RNFT2: variants seen among roughly 807,000 people sequenced by gnomAD.
The protein encoded by RNFT2 is ring finger protein, transmembrane 2, also known as E3 ubiquitin-protein ligase RNFT2.
In RNFT2, 36 loss-of-function variants were observed where a neutral mutation model predicts 53.0. The observed-to-expected ratio is 0.68, with a 90% CI of 0.52 to 0.90. The LOEUF (loss-of-function observed/expected upper bound fraction) is 0.90. Among genes scored for constraint, RNFT2 ranks in the 40% least tolerant of loss-of-function variants. The probability of loss-of-function intolerance (pLI) is 0.00; values close to 1 mark genes in which losing one functional copy is unlikely to be tolerated. For synonymous variants in RNFT2, 260 were observed against 253.2 expected (o/e 1.03, Z -0.26); for missense variants, 514 against 585.6 (o/e 0.88, Z 1.26).
At chr12:116,839,456 G>A (rs1242889216) in intron 10 of RNFT2, among the ~76,000 whole-genome samples, 1 of 149,922 alleles carries the variant, frequency 6.7e-6, no homozygotes, top group East Asian at 2.0e-4. Context: ...TGGATGGATG[G>A]ATGGATGAAT....
intron 5 of RNFT2, among the ~76,000 whole-genome samples, chr12:116,761,244 G>C (rs1319624711): frequency 6.6e-6 from 1 of 152,142 alleles, no homozygotes; most frequent in Non-Finnish European, 1.5e-5. Context: ...TGCCTCCCAG[G>C]TTCAAGCAAT....
intron 7 of RNFT2, among the ~76,000 whole-genome samples, chr12:116,801,829 TTTG>T (rs1874810736): frequency 6.6e-6 from 1 of 151,916 alleles, no homozygotes; most frequent in Non-Finnish European, 1.5e-5. Flanking sequence ...TGTTTGTTTG[TTTG>T]TTTTTTTGAG....
chr12:116,759,300 G>A (rs1252181561), intron 5 of RNFT2, among the ~76,000 whole-genome samples: 1 of 152,144 alleles, frequency 6.6e-6, no homozygotes, highest in Non-Finnish European at 1.5e-5. Context: ...ACTGGGCTTT[G>A]CCTTTCTCTG....
intron 5 of RNFT2, 123 bp downstream of exon 5, chr12:116,754,183 A>G: frequency 1.4e-6 from 1 of 735,154 alleles, no homozygotes; most frequent in Non-Finnish European, 2.4e-6. Context: ...GCGTCCTCAT[A>G]GCTTAACTCC....
At chr12:116,789,635 G>GTGGATGGA (rs148322297) in intron 7 of RNFT2, among the ~76,000 whole-genome samples, 2,119 of 132,046 alleles carry the variant, frequency 0.016, 98 homozygotes, top group African/African-American at 0.064. Flanking sequence ...TGGGAGGAGA[G>GTGGATGGA]TGGATGGATG....
intron 7 of RNFT2, among the ~76,000 whole-genome samples, chr12:116,783,897 T>A (rs920407399): frequency 1.3e-5 from 2 of 152,242 alleles, no homozygotes; most frequent in Non-Finnish European, 2.9e-5. Flanking sequence ...AGAGGCCGCT[T>A]AACCGTGTAC....
chr12:116,830,736 C>A (rs1157829157), intron 7 of RNFT2, among the ~76,000 whole-genome samples: 1 of 151,862 alleles, frequency 6.6e-6, no homozygotes, highest in Non-Finnish European at 1.5e-5. Flanking sequence ...ATGGTGAAAC[C>A]CCATCTCTAC....
intron 10 of RNFT2, among the ~76,000 whole-genome samples, chr12:116,841,029 A>G (rs1877222753): frequency 6.6e-6 from 1 of 152,108 alleles, no homozygotes; most frequent in South Asian, 2.1e-4. Flanking sequence ...CCCTATAATG[A>G]GTAAGGGTTT....
chr12:116,750,888 TATA>T (rs797018443), intron 4 of RNFT2, among the ~76,000 whole-genome samples: 59 of 5,548 alleles, frequency 0.011, 1 homozygote, highest in Admixed American at 0.018. Context: ...ATATTATATA[TATA>T]ATATATATAT....
rs560154224 is a variant in RNFT2 at position 116,761,814 on chromosome 12, A to G, written c.628-5000A>G. 7.2e-5 allele frequency among the ~76,000 whole-genome samples: 11 copies of G among 152,236 alleles called. No homozygotes were observed. In the East Asian group the frequency reaches 7.7e-4, roughly 11 times the overall value. On this transcript the variant is annotated intron_variant, in intron 5 of 10. Coordinates refer to ENST00000257575, the MANE Select transcript of RNFT2 (RefSeq NM_001382266.1). The stretch of plus-strand genomic sequence containing the variant: ...TCCTCCACCCACCTGCAGACCCTCA[A>G]TTAGGTTACCTTGGTGATCTCAGCC...
chr12:116,766,030 G>C (rs574817990), intron 5 of RNFT2, among the ~76,000 whole-genome samples: 2 of 152,138 alleles, frequency 1.3e-5, no homozygotes, highest in Non-Finnish European at 2.9e-5. Flanking sequence ...CCAGTGTTTT[G>C]GGAGCCCAAG....
intron 3 of RNFT2, 43 bp downstream of exon 3, chr12:116,741,137 C>T (rs765470056): frequency 1.7e-5 from 27 of 1,565,412 alleles, no homozygotes; most frequent in South Asian, 2.3e-5. Flanking sequence ...CTCTAGGCTT[C>T]GGGTGGTGAG....
At chr12:116,747,537 A>G (rs558429905) in intron 3 of RNFT2, among the ~76,000 whole-genome samples, 2 of 152,024 alleles carry the variant, frequency 1.3e-5, no homozygotes, top group African/African-American at 4.8e-5. Context: ...CACTCTGTGG[A>G]TAATGGTCTC....
chr12:116,791,016 T>C (rs1433687937), intron 7 of RNFT2, among the ~76,000 whole-genome samples: 1 of 152,190 alleles, frequency 6.6e-6, no homozygotes, highest in Non-Finnish European at 1.5e-5. Context: ...GAGTATGCCA[T>C]TCAGTGGCGT....
rs1877888103 is a variant in RNFT2, at chr12:116,850,779, C to T, written c.*1331C>T. 1 of 151,652 alleles carries T rather than the reference C, an allele frequency of 6.6e-6. No homozygotes were observed. Among genetic ancestry groups the T allele is most frequent in the South Asian group, 2.1e-4 (1 of 4,812 alleles). 9.4% of individuals were successfully genotyped at this position (151,652 alleles called of 1,614,324 possible). On this transcript the variant is annotated 3_prime_UTR_variant, in exon 11 of 11. Coordinates refer to ENST00000257575, the MANE Select transcript of RNFT2 (RefSeq NM_001382266.1). Reference sequence around the variant, plus strand: ...AGTAGTTGGGACAACAGATGCGTGCCACCATGCCCAGCTAATTTTTTTTTT... The same window carrying T: ...AGTAGTTGGGACAACAGATGCGTGCTACCATGCCCAGCTAATTTTTTTTTT...
intron 10 of RNFT2, 49 bp from the exon 11 acceptor site, chr12:116,849,265 C>A: frequency 6.9e-7 from 1 of 1,448,688 alleles, no homozygotes; most frequent in Non-Finnish European, 9.3e-7. Context: ...GAGACCGAGG[C>A]AGACGCTCAG....
chr12:116,838,820 G>A (rs1434064494), intron 10 of RNFT2, among the ~76,000 whole-genome samples: 1 of 152,274 alleles, frequency 6.6e-6, no homozygotes, highest in African/African-American at 2.4e-5. Context: ...AGAAATTCTT[G>A]GGAGGAGTCA....
chr12:116,805,725 C>T (rs1875015262), intron 7 of RNFT2, among the ~76,000 whole-genome samples: 2 of 152,180 alleles, frequency 1.3e-5, no homozygotes, highest in East Asian at 1.9e-4. Context: ...CTGCCTGTCT[C>T]GGCTTCCCAA....
Position 116,849,401 on chromosome 12 carries a change from C to A in RNFT2, c.1288C>A (p.Arg430Ser). 6.3e-7 allele frequency: 1 copy of A among 1,577,454 alleles called. No individual in the cohort carries two copies. Among genetic ancestry groups the A allele is most frequent in the Non-Finnish European group, 8.6e-7 (1 of 1,165,778 alleles). Residue 430 changes from arginine to serine, a missense_variant, in exon 11 of 11, where the codon CGC (arginine) becomes AGC (serine). Coordinates refer to ENST00000257575, the MANE Select transcript of RNFT2 (RefSeq NM_001382266.1). ...CCGCTCGGTCGCCGTGGACACCCTGCGCTGCTGGAAGGACGGCGCCACGTC... is the reference window on the plus strand; with the variant it reads ...CCGCTCGGTCGCCGTGGACACCCTGAGCTGCTGGAAGGACGGCGCCACGTC... ...LCRSVAVDTLRCWKDGATSAH... is the reference protein window; with the variant it reads ...LCRSVAVDTLSCWKDGATSAH...
Sources: allele counts gnomAD v4.1 joint callset (sites outside exome capture counted in the v4.1 genomes callset), GRCh38; gene constraint gnomAD v4.1.1; transcripts MANE v1.5; gene names NCBI Gene and HGNC (gene_info 2026-07-23, HGNC 2026-07-21).